ADAM2: variants seen among roughly 807,000 people sequenced by gnomAD.
The protein encoded by ADAM2 is disintegrin and metalloproteinase domain-containing protein 2.
A neutral mutation model predicts 99.3 loss-of-function variants in ADAM2; 101 were observed. The ratio of observed to expected loss-of-function variants is 1.02; its 90% CI spans 0.87 to 1.20. ADAM2 has a LOEUF of 1.20. Ranked by LOEUF, ADAM2 falls within the 50% of genes most tolerant of loss-of-function variation. The pLI, the probability that ADAM2 is intolerant of heterozygous loss-of-function variation, is 0.00. For synonymous variants in ADAM2, 323 were observed against 287.6 expected, an observed-to-expected ratio of 1.12 and a Z score of -1.25; for missense variants, 948 against 878.7, an observed-to-expected ratio of 1.08 and a Z score of -1.00.
At chr8:39,832,887 G>T (rs933464890) in intron 3 of ADAM2, among the ~76,000 whole-genome samples, 2 of 151,838 alleles carry the variant, frequency 1.3e-5, no homozygotes, top group African/African-American at 4.8e-5. Flanking sequence ...ACCATAAATT[G>T]TACTGTATAT....
rs1802333557 is a variant in ADAM2 at position 39,760,865 on chromosome 8, AGAGT to A, written c.1613+307_1613+310del. On this transcript the variant is annotated intron_variant, in intron 15 of 20. Coordinates refer to ENST00000265708, the MANE Select transcript of ADAM2 (RefSeq NM_001464.5). ...ACCACTGCATTCCAGCCTAGGCAAC[AGAGT>A]GAGACTCCATCTCAAAAAAAAAAAA... Among the ~76,000 whole-genome samples the A allele has an allele frequency of 2.8e-5, 4 of 144,246 alleles. No homozygotes were observed. In the East Asian group the frequency reaches 8.1e-4, roughly 29 times the overall value. The allele number at this position is 144,246 out of a possible 152,430, so 94.6% of individuals were successfully genotyped here.
At chr8:39,821,385 G>A (rs1334689468) in intron 5 of ADAM2, among the ~76,000 whole-genome samples, 2 of 152,120 alleles carry the variant, frequency 1.3e-5, no homozygotes, top group African/African-American at 2.4e-5. Context: ...ATATTTCATG[G>A]CTTCCAAATA....
intron 7 of ADAM2, among the ~76,000 whole-genome samples, chr8:39,802,133 A>G (rs868822793): frequency 6.6e-6 from 1 of 152,322 alleles, no homozygotes; most frequent in African/African-American, 2.4e-5. Context: ...TGGGTTCACA[A>G]GTGGGATCCA....
chr8:39,829,723 CA>C (rs1222728028), intron 3 of ADAM2, among the ~76,000 whole-genome samples: 1 of 151,750 alleles, frequency 6.6e-6, no homozygotes, highest in Non-Finnish European at 1.5e-5. Context: ...CCAAACTAGA[CA>C]GAAACAAAAT....
At chr8:39,747,186 T>A (rs968152785) in intron 18 of ADAM2, among the ~76,000 whole-genome samples, 2 of 152,096 alleles carry the variant, frequency 1.3e-5, no homozygotes, top group African/African-American at 4.8e-5. Context: ...CCTTTTCACA[T>A]CTGACTACCT....
chr8:39,745,269 T>A (rs1240613676), intron 19 of ADAM2, among the ~76,000 whole-genome samples: 1 of 152,182 alleles, frequency 6.6e-6, no homozygotes, highest in African/African-American at 2.4e-5. Flanking sequence ...ATATCAGTTA[T>A]TCCACAATAG....
At chr8:39,755,665 C>A (rs1802119790) in intron 16 of ADAM2, 63 bp downstream of exon 16, 2 of 1,243,454 alleles carry the variant, frequency 1.6e-6, no homozygotes, top group African/African-American at 3.0e-5. Context: ...GAGTGACACT[C>A]ATCTCAAAAA....
At chr8:39,790,125 T>G (rs545658626) in intron 7 of ADAM2, among the ~76,000 whole-genome samples, 6 of 151,956 alleles carry the variant, frequency 3.9e-5, no homozygotes, top group African/African-American at 1.2e-4. Context: ...TGAAGACAGT[T>G]TGTCAAACGT....
At chr8:39,754,732 ACTT>A (rs1802081189) in intron 16 of ADAM2, among the ~76,000 whole-genome samples, 1 of 152,240 alleles carries the variant, frequency 6.6e-6, no homozygotes, top group Non-Finnish European at 1.5e-5. Context: ...GTATTCTGTT[ACTT>A]ATTAAGCCAG....
chr8:39,756,634 A>G (rs1802161764), intron 15 of ADAM2, among the ~76,000 whole-genome samples: 1 of 152,158 alleles, frequency 6.6e-6, no homozygotes, highest in African/African-American at 2.4e-5. Context: ...CTCAGCAGTG[A>G]TGAAAATCTA....
intron 15 of ADAM2, among the ~76,000 whole-genome samples, chr8:39,760,727 A>T (rs1802325405): frequency 7.4e-6 from 1 of 135,522 alleles, no homozygotes. Flanking sequence ...TCAAAAAAAT[A>T]AAATAAAAAA....
chr8:39,759,933 C>T (rs575697210), intron 15 of ADAM2, among the ~76,000 whole-genome samples: 2 of 152,260 alleles, frequency 1.3e-5, no homozygotes, highest in African/African-American at 4.8e-5. Flanking sequence ...GTGGCGCGAT[C>T]TCGGCTCACT....
intron 6 of ADAM2, among the ~76,000 whole-genome samples, chr8:39,810,846 T>C (rs1033891011): frequency 9.9e-5 from 15 of 152,152 alleles, no homozygotes; most frequent in African/African-American, 2.2e-4. Context: ...AGATCTAAAA[T>C]TGACACCCTA....
chr8:39,784,027 T>C (rs1264507660), intron 10 of ADAM2, among the ~76,000 whole-genome samples: 1 of 152,204 alleles, frequency 6.6e-6, no homozygotes, highest in Non-Finnish European at 1.5e-5. Context: ...CTACTTGTGC[T>C]GTGGTTTCAC....
At chr8:39,781,006 CCTTTT>C (rs935126628) in intron 10 of ADAM2, among the ~76,000 whole-genome samples, 4 of 151,234 alleles carry the variant, frequency 2.6e-5, no homozygotes, top group African/African-American at 9.7e-5. Context: ...CGCTTTCATA[CCTTTT>C]CTTTTTTTTT....
chr8:39,757,373 G>A (rs1022832117), intron 15 of ADAM2, among the ~76,000 whole-genome samples: 1 of 151,972 alleles, frequency 6.6e-6, no homozygotes, highest in Non-Finnish European at 1.5e-5. Flanking sequence ...TTTAAGAATG[G>A]GAACTGCAGC....
At chr8:39,788,555 A>C (rs1803571278) in intron 8 of ADAM2, 114 bp downstream of exon 8, 1 of 701,774 alleles carries the variant, frequency 1.4e-6, no homozygotes, top group Non-Finnish European at 2.2e-6. Context: ...TTTAAAATAA[A>C]ACTTAATTTC....
chr8:39,787,375 G>A (rs1003715030), intron 9 of ADAM2, among the ~76,000 whole-genome samples: 1 of 150,974 alleles, frequency 6.6e-6, no homozygotes, highest in African/African-American at 2.4e-5. Context: ...AAAAGCTAAG[G>A]CAATGCAACT....
chr8:39,838,146 G>A lies in ADAM2; in HGVS notation c.40C>T (p.Leu14=). ...VLFLLSGLGG[L]RMDSNFDSLP... ...TTCTGCTTACTACTGTCCATCCGCA[G>A]CCCGCCGAGCCCGCTGAGCAGAAAC... Residue 14 remains leucine, a synonymous_variant, in exon 1 of 21, where the codon CTG becomes TTG. Coordinates refer to ENST00000265708, the MANE Select transcript of ADAM2 (RefSeq NM_001464.5). 6.2e-7 allele frequency: 1 copy of A among 1,614,136 alleles called. No homozygotes were observed. Among genetic ancestry groups the A allele is most frequent in the Non-Finnish European group, 8.5e-7 (1 of 1,180,028 alleles).
Sources: allele counts gnomAD v4.1 joint callset (sites outside exome capture counted in the v4.1 genomes callset), GRCh38; gene constraint gnomAD v4.1.1; transcripts MANE v1.5; gene names NCBI Gene and HGNC (gene_info 2026-07-23, HGNC 2026-07-21).